Variants in ACOT1 observed in about 807,000 individuals in gnomAD.
ACOT1 encodes the protein acyl-coenzyme A thioesterase 1.
A neutral mutation model predicts 15.7 loss-of-function variants in ACOT1; 8 were observed. The observed-to-expected ratio is 0.51, with a 90% CI of 0.30 to 0.92. The LOEUF (loss-of-function observed/expected upper bound fraction) is 0.92. Ranked by LOEUF, ACOT1 falls within the 40% of genes least tolerant of loss-of-function variation. The pLI is 0.06. For missense variants in ACOT1, 151 were observed against 539.4 expected (o/e 0.28, Z 7.13); for synonymous variants, 67 against 241.2 (o/e 0.28, Z 6.69).
the ACOT1 span, chr14:73,530,730 T>C: frequency 8.4e-6 from 1 of 119,632 alleles, no homozygotes; most frequent in Non-Finnish European, 1.8e-5. Flanking sequence ...CTTGACCTCC[T>C]GGGCTCAAGC....
chr14:73,512,697 G>T, the ACOT1 span, among the ~76,000 whole-genome samples: 1 of 152,184 alleles, frequency 6.6e-6, no homozygotes, highest in Admixed American at 6.5e-5. Context: ...TAGGTTCTTT[G>T]TCTTTGAGGG....
the ACOT1 span, chr14:73,517,501 A>T: frequency 6.6e-6 from 1 of 151,978 alleles, no homozygotes; most frequent in Non-Finnish European, 1.5e-5. Flanking sequence ...ACACAGCAAG[A>T]CCTTGTCTTT....
At chr14:73,498,114 C>G in the ACOT1 span, 2 of 1,534,816 alleles carry the variant, frequency 1.3e-6, no homozygotes, top group Admixed American at 3.6e-5. Context: ...TGAGAGTTGG[C>G]AGTATAAGGT....
the ACOT1 span, chr14:73,492,830 T>A: frequency 6.2e-7 from 1 of 1,613,744 alleles, no homozygotes; most frequent in Non-Finnish European, 8.5e-7. This position sits in a 1 kb window ranked among gnomAD's most constrained non-coding sequence, Gnocchi z 4.9. Flanking sequence ...TTATCCAGAG[T>A]TTGTGAGAGT....
chr14:73,513,036 A>G, the ACOT1 span, among the ~76,000 whole-genome samples: 2 of 152,242 alleles, frequency 1.3e-5, no homozygotes, highest in Non-Finnish European at 2.9e-5. Flanking sequence ...GGATAGCCCC[A>G]ACTCTACGAA....
chr14:73,532,730 A>G (rs1375108527), upstream of ACOT1, among the ~76,000 whole-genome samples: 20 of 115,060 alleles, frequency 1.7e-4, 5 homozygotes, highest in East Asian at 1.3e-3. Context: ...CAAGGTGGGC[A>G]GATCACAAGG....
At chr14:73,500,615 C>T in the ACOT1 span, 9 of 1,614,156 alleles carry the variant, frequency 5.6e-6, no homozygotes, top group Non-Finnish European at 6.8e-6. Context: ...GCTGTGAAGT[C>T]ATCAGAGAAG....
the ACOT1 span, among the ~76,000 whole-genome samples, chr14:73,513,467 AG>A: frequency 0.24 from 35,558 of 145,576 alleles, 5,176 homozygotes; most frequent in African/African-American, 0.38. Context: ...TCTCAGAAAA[AG>A]AAAAAAGGGC....
chr14:73,505,568 T>G, the ACOT1 span, among the ~76,000 whole-genome samples: 2 of 152,072 alleles, frequency 1.3e-5, no homozygotes, highest in Non-Finnish European at 2.9e-5. Flanking sequence ...GGCTAATTTT[T>G]GTATTTTAGT....
chr14:73,522,161 T>G, the ACOT1 span: 1 of 1,124,058 alleles, frequency 8.9e-7, no homozygotes, highest in Non-Finnish European at 1.3e-6. Context: ...GTGGAGAACA[T>G]GAAGTTGATG....
chr14:73,495,336 C>A, the ACOT1 span: 2 of 1,613,936 alleles, frequency 1.2e-6, no homozygotes, highest in Non-Finnish European at 1.7e-6. Flanking sequence ...ATGACCATCT[C>A]CAGCTTGAGT....
intron 2 of ACOT1, among the ~76,000 whole-genome samples, chr14:73,542,194 C>T (rs1239263426): frequency 9.4e-6 from 1 of 106,718 alleles, no homozygotes; most frequent in Non-Finnish European, 2.0e-5. Flanking sequence ...GATGGGGTTT[C>T]GCCATGTTGG....
upstream of ACOT1, among the ~76,000 whole-genome samples, chr14:73,536,516 TA>T (rs543491523): frequency 8.0e-3 from 477 of 59,326 alleles, 33 homozygotes; most frequent in African/African-American, 0.024. Flanking sequence ...CCTGTCTCTT[TA>T]AAAAAAAAAA....
the ACOT1 span, among the ~76,000 whole-genome samples, chr14:73,494,545 TTTTG>T: frequency 2.6e-5 from 4 of 152,022 alleles, no homozygotes; most frequent in South Asian, 2.1e-4. Context: ...AAGCACTATT[TTTTG>T]TTTGTTTGTT....
the ACOT1 span, among the ~76,000 whole-genome samples, chr14:73,524,776 A>T: frequency 1.3e-5 from 2 of 151,718 alleles, no homozygotes; most frequent in Admixed American, 1.3e-4. Context: ...AGGAACAGGT[A>T]GGCCTCCTTA....
At chr14:73,511,148 G>C in the ACOT1 span, among the ~76,000 whole-genome samples, 1 of 152,170 alleles carries the variant, frequency 6.6e-6, no homozygotes, top group Non-Finnish European at 1.5e-5. Flanking sequence ...TCATTTTATA[G>C]ATAGGTAATT....
At chr14:73,526,728 C>T in the ACOT1 span, among the ~76,000 whole-genome samples, 1 of 152,226 alleles carries the variant, frequency 6.6e-6, no homozygotes, top group South Asian at 2.1e-4. Context: ...CAGATTTATC[C>T]TGGCAGGATT....
chr14:73,524,308 A>ATATATATATATATATATAT, the ACOT1 span, among the ~76,000 whole-genome samples: 1 of 83,570 alleles, frequency 1.2e-5, no homozygotes. Flanking sequence ...AAAAAAAAAA[A>ATATATATATATATATATAT]AAATATATAT....
At chr14:73,528,628 T>C in the ACOT1 span, among the ~76,000 whole-genome samples, 1 of 152,172 alleles carries the variant, frequency 6.6e-6, no homozygotes, top group Non-Finnish European at 1.5e-5. Context: ...GGGCAAATAA[T>C]TTAAAATCTG....
Sources: allele counts gnomAD v4.1 joint callset (sites outside exome capture counted in the v4.1 genomes callset), GRCh38; gene constraint gnomAD v4.1.1; non-coding constraint Gnocchi (gnomAD v3.1); transcripts MANE v1.5; gene names NCBI Gene and HGNC (gene_info 2026-07-23, HGNC 2026-07-21).